The following SENP7 variants were observed in gnomAD, a reference collection of about 807,000 sequenced individuals.
SENP7 encodes the protein SUMO specific peptidase 7.
Under a neutral mutation model 141.2 loss-of-function variants are expected in SENP7, and 64 were observed. The ratio of observed to expected loss-of-function variants is 0.45; its 90% CI spans 0.37 to 0.56. The LOEUF (loss-of-function observed/expected upper bound fraction) is 0.56, where lower values mean the gene tolerates loss of function less well. Ranked by LOEUF, SENP7 falls within the 20% of genes least tolerant of loss-of-function variation. The probability of loss-of-function intolerance (pLI) is 0.00; values close to 1 mark genes in which losing one functional copy is unlikely to be tolerated. For missense variants in SENP7, 1,025 were observed against 1,212.2 expected, an observed-to-expected ratio of 0.85 and a Z score of 2.29; for synonymous variants, 382 against 426.4, an observed-to-expected ratio of 0.90 and a Z score of 1.28.
At chr3:101,351,839 G>A (rs1052128960) in intron 11 of SENP7, among the ~76,000 whole-genome samples, 188 bp from the exon 12 acceptor site, 1 of 151,768 alleles carries the variant, frequency 6.6e-6, no homozygotes, top group Non-Finnish European at 1.5e-5. Context: ...AGAACCCCAT[G>A]TAAGTAATTT....
At chr3:101,487,984 A>G (rs2064801299) in intron 3 of SENP7, among the ~76,000 whole-genome samples, 1 of 152,094 alleles carries the variant, frequency 6.6e-6, no homozygotes. Context: ...AGTTTCTTCT[A>G]ATTCTCTGAA....
intron 5 of SENP7, among the ~76,000 whole-genome samples, chr3:101,401,541 GA>G (rs573707325): frequency 2.8e-5 from 4 of 145,234 alleles, no homozygotes; most frequent in African/African-American, 5.3e-5. Flanking sequence ...AAAAAAAAAG[GA>G]AAAAAAAGGA....
At chr3:101,435,497 C>G (rs1035382594) in intron 4 of SENP7, among the ~76,000 whole-genome samples, 4 of 151,944 alleles carry the variant, frequency 2.6e-5, no homozygotes, top group Non-Finnish European at 5.9e-5. Context: ...AGTCAAATTA[C>G]TCGTTTGCTG....
intron 3 of SENP7, among the ~76,000 whole-genome samples, chr3:101,487,698 C>A (rs1412497835): frequency 2.0e-5 from 3 of 152,162 alleles, no homozygotes; most frequent in Admixed American, 6.5e-5. Flanking sequence ...GCTGTCCCAG[C>A]AGCATTTATT....
At chr3:101,454,909 C>T (rs1411122919) in intron 4 of SENP7, among the ~76,000 whole-genome samples, 1 of 151,972 alleles carries the variant, frequency 6.6e-6, no homozygotes, top group African/African-American at 2.4e-5. Context: ...AAAACCATCA[C>T]CAGACTGTAG....
At chr3:101,408,139 G>A (rs995465543) in intron 5 of SENP7, among the ~76,000 whole-genome samples, 3 of 151,926 alleles carry the variant, frequency 2.0e-5, no homozygotes, top group Non-Finnish European at 2.9e-5. Flanking sequence ...ATCATTCAAG[G>A]CTACTATAAA....
In SENP7 at chr3:101,341,780, C is replaced by A; in HGVS notation, c.2107-1G>T. On this transcript the variant is annotated splice_acceptor_variant, in intron 14 of 23. Coordinates refer to ENST00000394095, the MANE Select transcript of SENP7 (RefSeq NM_020654.5). LOFTEE classifies it high-confidence loss of function. ...GCTTGGCCGCATCTGTGTTTGAGGGCTGACAGAAAGTGGCAAGAAAAAGGG... is the reference window on the plus strand; with the variant it reads ...GCTTGGCCGCATCTGTGTTTGAGGGATGACAGAAAGTGGCAAGAAAAAGGG... The A allele has an allele frequency of 6.3e-7, 1 of 1,586,972 alleles. No homozygotes were observed. The highest frequency in any genetic ancestry group is 8.6e-7 in the Non-Finnish European group (1 of 1,160,014).
At chr3:101,390,490 A>C (rs1442973998) in intron 6 of SENP7, among the ~76,000 whole-genome samples, 2 of 152,224 alleles carry the variant, frequency 1.3e-5, no homozygotes, top group Admixed American at 1.3e-4. Context: ...CTTTAAGTCA[A>C]AAACTGTAAA....
chr3:101,477,696 C>T (rs1559885790), intron 3 of SENP7, among the ~76,000 whole-genome samples: 1 of 151,604 alleles, frequency 6.6e-6, no homozygotes, highest in Non-Finnish European at 1.5e-5. Flanking sequence ...ATTAAAAATA[C>T]AAAAATTAGC....
intron 5 of SENP7, among the ~76,000 whole-genome samples, chr3:101,400,672 T>C (rs1226113155): frequency 6.6e-6 from 1 of 151,706 alleles, no homozygotes; most frequent in African/African-American, 2.4e-5. Flanking sequence ...CCTATCTCTC[T>C]CTCTCTCCTC....
At chr3:101,399,906 G>A (rs1301841134) in intron 5 of SENP7, among the ~76,000 whole-genome samples, 2 of 152,220 alleles carry the variant, frequency 1.3e-5, no homozygotes, top group Admixed American at 6.5e-5. Context: ...GATTACACGT[G>A]TGAGCCACTG....
intron 1 of SENP7, among the ~76,000 whole-genome samples, chr3:101,512,110 G>C (rs555978163): frequency 1.3e-5 from 2 of 152,242 alleles, no homozygotes; most frequent in African/African-American, 4.8e-5. Context: ...GTGAGCCACC[G>C]CGCCCGGCCA....
At chr3:101,477,347 G>A (rs2064259382) in intron 3 of SENP7, among the ~76,000 whole-genome samples, 1 of 152,128 alleles carries the variant, frequency 6.6e-6, no homozygotes, top group Non-Finnish European at 1.5e-5. Flanking sequence ...AATGACCAGA[G>A]TCAGGGAAGA....
At chr3:101,501,531 T>C (rs190042883) in intron 1 of SENP7, among the ~76,000 whole-genome samples, 2 of 152,062 alleles carry the variant, frequency 1.3e-5, no homozygotes, top group Admixed American at 1.3e-4. Flanking sequence ...GAGAATATTC[T>C]ATAAAAACAC....
chr3:101,335,566 C>A (rs545320098), intron 17 of SENP7, among the ~76,000 whole-genome samples: 2 of 152,046 alleles, frequency 1.3e-5, no homozygotes, highest in South Asian at 4.2e-4. Context: ...ATGCCACTCA[C>A]GTAACTTTAT....
intron 6 of SENP7, among the ~76,000 whole-genome samples, chr3:101,384,115 T>C (rs137982713): frequency 1.2e-3 from 187 of 152,362 alleles, no homozygotes; most frequent in African/African-American, 4.3e-3. Flanking sequence ...GAGAGCTGTA[T>C]ACTCGACAGG....
chr3:101,327,961 A>T, intron 22 of SENP7, 145 bp from the exon 23 acceptor site: 1 of 572,264 alleles, frequency 1.7e-6, no homozygotes, highest in Non-Finnish European at 3.0e-6. Flanking sequence ...TGCAACCTAC[A>T]TTTTATAAGG....
chr3:101,374,768 T>C (rs2060273245), intron 6 of SENP7, among the ~76,000 whole-genome samples: 1 of 119,428 alleles, frequency 8.4e-6, no homozygotes, highest in African/African-American at 3.1e-5. Flanking sequence ...TGAGGCTCTG[T>C]CTCAAAAAAA....
intron 4 of SENP7, among the ~76,000 whole-genome samples, chr3:101,455,801 G>A (rs73865633): frequency 0.01 from 1,537 of 152,178 alleles, 30 homozygotes; most frequent in African/African-American, 0.035. Flanking sequence ...TCATAATCCA[G>A]TTTCATCTAA....
Sources: gnomAD v4.1 joint callset for allele counts (sites outside exome capture counted in the v4.1 genomes callset) on GRCh38, gnomAD v4.1.1 for gene constraint, MANE v1.5 for transcripts, NCBI Gene and HGNC (gene_info 2026-07-23, HGNC 2026-07-21) for gene names.